The following MARCHF1 variants were observed in gnomAD, a reference collection of about 807,000 sequenced individuals.
The protein encoded by MARCHF1 is membrane associated ring-CH-type finger 1.
In MARCHF1, 40 loss-of-function variants were observed where a neutral mutation model predicts 54.2. The ratio of observed to expected loss-of-function variants is 0.74; its 90% CI spans 0.57 to 0.96. The LOEUF (loss-of-function observed/expected upper bound fraction) is 0.96. MARCHF1 is among the 40% of genes least tolerant of loss of function. MARCHF1 has a pLI of 0.00. For missense variants in MARCHF1, 586 were observed against 656.5 expected (o/e 0.89, Z 1.17); for synonymous variants, 236 against 236.3 (o/e 1.00, Z 0.01).
At chr4:163,603,088 C>A (rs1045793484) in intron 7 of MARCHF1, among the ~76,000 whole-genome samples, 3 of 152,052 alleles carry the variant, frequency 2.0e-5, no homozygotes, top group Non-Finnish European at 4.4e-5. Context: ...GGCAAGTGAC[C>A]TAGACAATGG....
chr4:163,886,350 T>C (rs867507885), intron 3 of MARCHF1, among the ~76,000 whole-genome samples: 5 of 142,810 alleles, frequency 3.5e-5, no homozygotes, highest in African/African-American at 1.3e-4. Flanking sequence ...GATAGATAGA[T>C]ATAGATAGAT....
rs181674402 is a variant in MARCHF1 at position 163,915,930 on chromosome 4, C to A, written c.-38-61761G>T. On this transcript the variant is annotated intron_variant, in intron 3 of 9. Coordinates refer to ENST00000514618, the MANE Select transcript of MARCHF1 (RefSeq NM_001394959.1). ...CAGTGGCTTGATACAAAAACCTTCCCATTTAAGAACCTGAATATAGATATT... is the reference window on the plus strand; with the variant it reads ...CAGTGGCTTGATACAAAAACCTTCCAATTTAAGAACCTGAATATAGATATT... 5.9e-5 allele frequency among the ~76,000 whole-genome samples: 9 copies of A among 152,188 alleles called. No individual in the cohort carries two copies. In the East Asian group the frequency reaches 1.7e-3, roughly 29 times the overall value.
intron 3 of MARCHF1, among the ~76,000 whole-genome samples, chr4:163,858,719 A>G (rs1267575469): frequency 1.3e-5 from 2 of 152,184 alleles, no homozygotes; most frequent in Non-Finnish European, 2.9e-5. Flanking sequence ...GTTACTCACT[A>G]TATATTGAGA....
At chr4:163,832,641 A>C (rs1222757263) in intron 4 of MARCHF1, among the ~76,000 whole-genome samples, 1 of 151,318 alleles carries the variant, frequency 6.6e-6, no homozygotes, top group Non-Finnish European at 1.5e-5. Context: ...CACAACGTGC[A>C]GGTTAGTTAC....
At chr4:163,960,365 T>C (rs542554321) in intron 3 of MARCHF1, among the ~76,000 whole-genome samples, 44 of 152,148 alleles carry the variant, frequency 2.9e-4, no homozygotes, top group African/African-American at 1.0e-3. Context: ...CAAATGTTCA[T>C]TGCAGCAATA....
chr4:163,805,137 G>A (rs1383988804), intron 4 of MARCHF1, among the ~76,000 whole-genome samples: 1 of 151,832 alleles, frequency 6.6e-6, no homozygotes, highest in East Asian at 1.9e-4. Flanking sequence ...AAAACTATAA[G>A]CTTCTCCTTA....
chr4:163,910,800 A>G (rs1484798732), intron 3 of MARCHF1, among the ~76,000 whole-genome samples: 1 of 152,162 alleles, frequency 6.6e-6, no homozygotes, highest in Non-Finnish European at 1.5e-5. Flanking sequence ...CCCAGCCCAA[A>G]TAGTAATCTT....
chr4:163,718,437 G>T (rs1561036679), intron 4 of MARCHF1, among the ~76,000 whole-genome samples: 1 of 152,064 alleles, frequency 6.6e-6, no homozygotes, highest in Non-Finnish European at 1.5e-5. Context: ...AATCTACAAT[G>T]AACTCAAACA....
intron 1 of MARCHF1, among the ~76,000 whole-genome samples, chr4:164,308,908 CA>C (rs1304935136): frequency 6.7e-6 from 1 of 148,750 alleles, no homozygotes; most frequent in Non-Finnish European, 1.5e-5. Flanking sequence ...CCCTGTGACA[CA>C]AGTTTACCTA....
intron 2 of MARCHF1, among the ~76,000 whole-genome samples, chr4:164,093,843 C>T (rs534803260): frequency 6.6e-6 from 1 of 152,244 alleles, no homozygotes; most frequent in African/African-American, 2.4e-5. Flanking sequence ...AAGAGAAAAA[C>T]CAGTAATTAA....
At chr4:163,646,798 T>C (rs1043914607) in intron 5 of MARCHF1, among the ~76,000 whole-genome samples, 1 of 151,928 alleles carries the variant, frequency 6.6e-6, no homozygotes, top group South Asian at 2.1e-4. Context: ...AACATGCCGC[T>C]GCAAAAAATT....
chr4:163,595,307 G>A (rs1740726786), intron 7 of MARCHF1, among the ~76,000 whole-genome samples: 1 of 151,206 alleles, frequency 6.6e-6, no homozygotes, highest in Admixed American at 6.6e-5. Context: ...AGCTCAGTTT[G>A]AGACCCGCCT....
chr4:163,741,671 T>C (rs1453208221), intron 4 of MARCHF1, among the ~76,000 whole-genome samples: 1 of 152,122 alleles, frequency 6.6e-6, no homozygotes, highest in African/African-American at 2.4e-5. Context: ...TACTATATAT[T>C]GTTTTCCTTC....
chr4:163,791,662 C>T (rs532109005), intron 4 of MARCHF1, among the ~76,000 whole-genome samples: 23 of 152,100 alleles, frequency 1.5e-4, no homozygotes, highest in Admixed American at 1.2e-3. Flanking sequence ...GACATTGCTC[C>T]CTCCCTCCCT....
chr4:164,196,860 G>T, intron 1 of MARCHF1: 2 of 963,838 alleles, frequency 2.1e-6, no homozygotes, highest in Non-Finnish European at 3.2e-6. Context: ...CATTCCCACA[G>T]CAATGTTACA....
chr4:164,249,724 A>C (rs529525147), intron 1 of MARCHF1, among the ~76,000 whole-genome samples: 1 of 151,336 alleles, frequency 6.6e-6, no homozygotes, highest in Non-Finnish European at 1.5e-5. Context: ...AAAATGACCC[A>C]TGCAGTTAGA....
At position 163,647,956 on chromosome 4, in the gene MARCHF1, A is replaced by C. The variant is rs72991566; in HGVS notation, c.163-34563T>G. The stretch of plus-strand genomic sequence containing the variant: ...GAAAAAAATAGAAAAGATAATTAAA[A>C]TGAAGAGTTGGTTTTTTAAAAAAAA... On this transcript the variant is annotated intron_variant, in intron 5 of 9. Transcript: ENST00000514618. 3.3e-3 allele frequency among the ~76,000 whole-genome samples: 505 copies of C among 151,862 alleles called. 2 individuals are homozygous for C. Among genetic ancestry groups the C allele is most frequent in the African/African-American group, 0.011 (458 of 41,546 alleles).
At chr4:163,870,482 C>A (rs1334427031) in intron 3 of MARCHF1, among the ~76,000 whole-genome samples, 1 of 151,946 alleles carries the variant, frequency 6.6e-6, no homozygotes, top group Admixed American at 6.6e-5. Context: ...ACAGAAAAGA[C>A]ACATTATTTA....
At chr4:164,307,204 T>C (rs990135610) in intron 1 of MARCHF1, among the ~76,000 whole-genome samples, 7 of 152,118 alleles carry the variant, frequency 4.6e-5, no homozygotes, top group Non-Finnish European at 1.0e-4. Context: ...CAGATACATA[T>C]ATAAATCTAA....
Sources: gnomAD v4.1 joint callset for allele counts (sites outside exome capture counted in the v4.1 genomes callset) on GRCh38, gnomAD v4.1.1 for gene constraint, MANE v1.5 for transcripts, NCBI Gene and HGNC (gene_info 2026-07-23, HGNC 2026-07-21) for gene names.